TCF3: variants seen among roughly 807,000 people sequenced by gnomAD.
TCF3 encodes the protein transcription factor E2-alpha.
A neutral mutation model predicts 72.3 loss-of-function variants in TCF3; 54 were observed. The observed-to-expected ratio is 0.75, with a 90% CI of 0.60 to 0.94. The LOEUF is 0.94. Among genes scored for constraint, TCF3 ranks in the 40% least tolerant of loss-of-function variants. TCF3 has a pLI of 0.00. For missense variants in TCF3, 1,078 were observed against 934.4 expected (o/e 1.15, Z -2.00); for synonymous variants, 525 against 412.6 (o/e 1.27, Z -3.30).
At chr19:1,644,170 C>G (rs1482006876) in intron 3 of TCF3, among the ~76,000 whole-genome samples, 11 of 152,242 alleles carry the variant, frequency 7.2e-5, no homozygotes, top group Admixed American at 7.2e-4. Flanking sequence ...GCCGGGATCC[C>G]TCCGCCCCTC....
intron 5 of TCF3, among the ~76,000 whole-genome samples, chr19:1,627,667 T>G (rs899424321): frequency 6.6e-6 from 1 of 152,238 alleles, no homozygotes; most frequent in Non-Finnish European, 1.5e-5. Context: ...ATGACAGGCT[T>G]GGGGACAAGA....
Position 1,615,685 on chromosome 19 carries a change from C to A in TCF3, c.1586+1G>T. 1 of 1,613,388 alleles carries A rather than the reference C, an allele frequency of 6.2e-7. No individual in the cohort carries two copies. The highest frequency in any genetic ancestry group is 2.2e-5 in the East Asian group (1 of 44,856). ...GGGAGTGCCGAGGGGTGGGTTGGCA[C>A]CTGGTCCGGGCCCGGGGGGCCTTCA... On this transcript the variant is annotated splice_donor_variant, in intron 17 of 18. Transcript: ENST00000262965. LOFTEE classifies it high-confidence loss of function. The surrounding 1 kb of genome is among the most constrained non-coding windows in gnomAD (Gnocchi z 7.3).
rs543074436 is a variant in TCF3, at chr19:1,625,912, A to C, written c.367-204T>G. Among the ~76,000 whole-genome samples, 36 of 152,306 alleles carry C rather than the reference A, an allele frequency of 2.4e-4. 1 individual carries two copies. In the South Asian group the frequency reaches 6.8e-3, roughly 29 times the overall value. ...GACCGCATCCCACACTGCTGTTTTCACGAAGAACGAAAGACTGAGAAACAG... is the reference window on the plus strand; with the variant it reads ...GACCGCATCCCACACTGCTGTTTTCCCGAAGAACGAAAGACTGAGAAACAG... On this transcript the variant is annotated intron_variant, in intron 6 of 18. Transcript: ENST00000262965.
Position 1,650,170 on chromosome 19 carries a change from G to T in TCF3, c.72+7C>A. ...GTGTCGGGGGCTGGGCGGGGGTCCTGGCTCACCATGCTGAAGTCCAGGAGG... is the reference window on the plus strand; with the variant it reads ...GTGTCGGGGGCTGGGCGGGGGTCCTTGCTCACCATGCTGAAGTCCAGGAGG... On this transcript the variant is annotated splice_region_variant and intron_variant, in intron 2 of 18. Transcript: ENST00000262965. 6.4e-7 allele frequency: 1 copy of T among 1,565,204 alleles called. No individual in the cohort carries two copies. The highest frequency in any genetic ancestry group is 8.6e-7 in the Non-Finnish European group (1 of 1,156,340).
At chr19:1,621,515 C>T (rs1328752079) in intron 11 of TCF3, among the ~76,000 whole-genome samples, 1 of 151,588 alleles carries the variant, frequency 6.6e-6, no homozygotes, top group Non-Finnish European at 1.5e-5. Flanking sequence ...GTGAGTCCCT[C>T]TCTGGGCCTG....
chr19:1,611,716 C>G lies in TCF3; in HGVS notation c.1956G>C (p.Gly652=). ...CACGGAGGCATACCTTTCACATGTG[C>G]CCGGCGGGGTTGTGGGCTTCGCTCA... ...PGLSEAHNPA[G]HM is the part of the protein sequence containing the mutation. The change falls in exon 19 of 19, where the codon GGG becomes GGC. Residue 652 remains glycine (G), a synonymous_variant. Transcript: ENST00000262965. The G allele has an allele frequency of 4.3e-6, 7 of 1,613,028 alleles. No homozygotes were observed. The highest frequency in any genetic ancestry group is 5.1e-6 in the Non-Finnish European group (6 of 1,179,598).
chr19:1,627,576 T>C, intron 5 of TCF3, 150 bp from the exon 6 acceptor site: 1 of 699,782 alleles, frequency 1.4e-6, no homozygotes, highest in Non-Finnish European at 2.5e-6. Flanking sequence ...CTGACCCCAG[T>C]GTGCCCATCT....
rs777143800 is a variant in TCF3, at chr19:1,646,438, G to A, written c.73-11C>T. ...AGGCAGCGGGAACATCTGCAGGGAG[G>A]GGAGGGGAGACGTGAGCGGGGCGGG... On this transcript the variant is annotated splice_polypyrimidine_tract_variant and intron_variant, in intron 2 of 18. Coordinates refer to ENST00000262965, the MANE Select transcript of TCF3 (RefSeq NM_003200.5). 5 of 1,549,994 alleles carry A rather than the reference G, an allele frequency of 3.2e-6. No individual in the cohort carries two copies. The highest frequency in any genetic ancestry group is 1.4e-5 in the African/African-American group (1 of 73,142).
In TCF3 at chr19:1,614,694, G is replaced by A. The variant is rs1032985580; in HGVS notation, c.1822+591C>T. Among the ~76,000 whole-genome samples, 1 of 152,170 alleles carries A rather than the reference G, an allele frequency of 6.6e-6. No individual in the cohort carries two copies. Among genetic ancestry groups the A allele is most frequent in the African/African-American group, 2.4e-5 (1 of 41,434 alleles). On this transcript the variant is annotated intron_variant, in intron 18 of 18. Transcript: ENST00000262965. The surrounding 1 kb of genome is among the most constrained non-coding windows in gnomAD (Gnocchi z 5.6). ...GAAGCAGCCGCCAGCGCCAGCGGGG[G>A]GAAGGAGTCAGCTCACATCTGCGGG...
rs891860630 is a variant in TCF3, at chr19:1,610,269, G to A, written c.*1438C>T. On this transcript the variant is annotated 3_prime_UTR_variant, in exon 19 of 19. Transcript: ENST00000262965. ...GGGGCTCAGACCAGCACAGTCCCCC[G>A]GCTCCAGCCACTCTTGCCCTTGGAC... The A allele has an allele frequency of 4.7e-5, 11 of 232,120 alleles. No homozygotes were observed. The highest frequency in any genetic ancestry group is 3.0e-4 in the East Asian group (5 of 16,450). The allele number at this position is 232,120 out of a possible 1,614,324, so 14.4% of individuals were successfully genotyped here. A position where few individuals can be genotyped will look rare whatever the true frequency, so the allele number is the denominator to read the frequency against.
chr19:1,648,645 C>T (rs1420394215), intron 2 of TCF3, among the ~76,000 whole-genome samples: 1 of 152,238 alleles, frequency 6.6e-6, no homozygotes, highest in East Asian at 1.9e-4. Context: ...GAGCCTTGGC[C>T]CCTCCGGCCC....
chr19:1,650,368 C>T, intron 1 of TCF3, 81 bp from the exon 2 acceptor site: 1 of 1,093,028 alleles, frequency 9.1e-7, no homozygotes. Flanking sequence ...GCACAGAGTG[C>T]TAAAAGCCAC....
intron 3 of TCF3, among the ~76,000 whole-genome samples, chr19:1,645,239 AG>A (rs1419073866): frequency 6.6e-6 from 1 of 151,960 alleles, no homozygotes; most frequent in African/African-American, 2.4e-5. Context: ...TCCCGGAGGC[AG>A]GAAGGACACA....
At chr19:1,623,052 A>G (rs1484582897) in intron 8 of TCF3, among the ~76,000 whole-genome samples, 1 of 152,136 alleles carries the variant, frequency 6.6e-6, no homozygotes, top group Non-Finnish European at 1.5e-5. Context: ...AGTGAGTGAT[A>G]CTGTTGGGAG....
In TCF3 at chr19:1,609,849, G is replaced by A. The variant is rs914028193; in HGVS notation, c.*1858C>T. ...TCAGGCAGTCCAGGATCTCCTGGGGGTAACGGTGGGAGTCTCAGGAGTGGC... is the reference window on the plus strand; with the variant it reads ...TCAGGCAGTCCAGGATCTCCTGGGGATAACGGTGGGAGTCTCAGGAGTGGC... On this transcript the variant is annotated 3_prime_UTR_variant, in exon 19 of 19. Transcript: ENST00000262965. 5 of 232,192 alleles carry A rather than the reference G, an allele frequency of 2.2e-5. No individual in the cohort carries two copies. The highest frequency in any genetic ancestry group is 4.4e-5 in the African/African-American group (2 of 45,246). The allele number at this position is 232,192 out of a possible 1,614,324, so 14.4% of individuals were successfully genotyped here. A position where few individuals can be genotyped will look rare whatever the true frequency, so the allele number is the denominator to read the frequency against.
At position 1,627,991 on chromosome 19, in the gene TCF3, C is replaced by T. The variant is rs367866426; in HGVS notation, c.299-565G>A. Among the ~76,000 whole-genome samples the T allele has an allele frequency of 6.4e-3, 25 of 3,922 alleles. 1 individual carries two copies. The highest frequency in any genetic ancestry group is 6.3e-3 in the Non-Finnish European group (13 of 2,072). The allele number at this position is 3,922 out of a possible 152,430, so 2.6% of individuals were successfully genotyped here. On this transcript the variant is annotated intron_variant, in intron 5 of 18. Transcript: ENST00000262965. ...GGACAGCAGAGCTCACGGGGTGAGG[C>T]GGGAAGGGGACAGCAGAGCTCACAG...
chr19:1,630,886 G>A (rs778731099), intron 5 of TCF3, among the ~76,000 whole-genome samples: 19 of 152,206 alleles, frequency 1.2e-4, no homozygotes, highest in Admixed American at 2.6e-4. Flanking sequence ...AGCATGTGAA[G>A]CTCGGGGCAT....
At chr19:1,627,035 G>A (rs2062969300) in intron 6 of TCF3, among the ~76,000 whole-genome samples, 1 of 151,354 alleles carries the variant, frequency 6.6e-6, no homozygotes, top group Admixed American at 6.6e-5. Context: ...GGGGCCTGTT[G>A]TATGGGCTCC....
Position 1,615,869 on chromosome 19 carries a change from C to A in TCF3, c.1451-48G>T. The A allele has an allele frequency of 2.0e-6, 3 of 1,498,808 alleles. No individual in the cohort carries two copies. Among genetic ancestry groups the A allele is most frequent in the South Asian group, 1.4e-5 (1 of 72,786 alleles). 92.8% of individuals were successfully genotyped at this position (1,498,808 alleles called of 1,614,324 possible). On this transcript the variant is annotated intron_variant, in intron 16 of 18. Transcript: ENST00000262965. The surrounding 1 kb of genome is among the most constrained non-coding windows in gnomAD (Gnocchi z 7.3). ...GGCCTGCGTCGGCCTCCAGGGCCAA[C>A]TGACATATCTCTTTGTGCTCCTGTG... is the stretch of plus-strand genomic sequence containing the variant.
Sources: allele counts gnomAD v4.1 joint callset (sites outside exome capture counted in the v4.1 genomes callset), GRCh38; gene constraint gnomAD v4.1.1; non-coding constraint Gnocchi (gnomAD v3.1); transcripts MANE v1.5; gene names NCBI Gene and HGNC (gene_info 2026-07-23, HGNC 2026-07-21).